ADARB2: variants seen among roughly 807,000 people sequenced by gnomAD.
ADARB2 encodes the protein adenosine deaminase RNA specific B2 (inactive), also known as inactive double-stranded RNA-specific editase B2.
Under a neutral mutation model 62.2 loss-of-function variants are expected in ADARB2, and 25 were observed. The ratio of observed to expected loss-of-function variants is 0.40; its 90% confidence interval spans 0.29 to 0.56. The LOEUF (loss-of-function observed/expected upper bound fraction) is 0.56. Ranked by LOEUF, ADARB2 falls within the 20% of genes least tolerant of loss-of-function variation. ADARB2 has a pLI of 0.43. For synonymous variants in ADARB2, 572 were observed against 500.8 expected, an observed-to-expected ratio of 1.14 and a Z score of -1.90; for missense variants, 1,071 against 1,077.4, an observed-to-expected ratio of 0.99 and a Z score of 0.08.
At chr10:1,523,407 G>C (rs539188452) in intron 1 of ADARB2, among the ~76,000 whole-genome samples, 5 of 152,200 alleles carry the variant, frequency 3.3e-5, no homozygotes, top group African/African-American at 1.2e-4. Context: ...TTACATGCAC[G>C]TCACGCAGCC....
In ADARB2 at chr10:1,464,754, G is replaced by A. The variant is rs372749638; in HGVS notation, c.101-85594C>T. ...ACACTCCCCCACACACGCGCTGGGGGCAGTCACAGCGGGCAGCGTGCTGGA... is the reference window on the plus strand; with the variant it reads ...ACACTCCCCCACACACGCGCTGGGGACAGTCACAGCGGGCAGCGTGCTGGA... On this transcript the variant is annotated intron_variant, in intron 1 of 9. Transcript: ENST00000381312. Among the ~76,000 whole-genome samples, 385 of 97,772 alleles carry A rather than the reference G, an allele frequency of 3.9e-3. 2 individuals are homozygous for A. The highest frequency in any genetic ancestry group is 0.02 in the Middle Eastern group (2 of 102). 64.1% of individuals were successfully genotyped at this position (97,772 alleles called of 152,430 possible). A position where few individuals can be genotyped will look rare whatever the true frequency, so the allele number is the denominator to read the frequency against.
rs543169729 is a variant in ADARB2 at position 1,351,246 on chromosome 10, CT to C, written c.1077+11781del. Reference sequence around the variant, plus strand: ...GACGCTGCCCGATCACCTCAGAAGCCTCCTGGACCATCACGGATGCTGAGCT... The same window carrying C: ...GACGCTGCCCGATCACCTCAGAAGCCCCTGGACCATCACGGATGCTGAGCT... On this transcript the variant is annotated intron_variant, in intron 3 of 9. Coordinates refer to ENST00000381312, the MANE Select transcript of ADARB2 (RefSeq NM_018702.4). 6.4e-4 allele frequency among the ~76,000 whole-genome samples: 97 copies of C among 152,334 alleles called. 1 individual carries two copies. Among genetic ancestry groups the C allele is most frequent in the African/African-American group, 2.1e-3 (89 of 41,568 alleles).
intron 1 of ADARB2, among the ~76,000 whole-genome samples, chr10:1,676,470 T>C (rs6560758): frequency 0.95 from 145,070 of 152,310 alleles, 69,175 homozygotes; most frequent in Admixed American, 0.98. Flanking sequence ...ATAGCTTTAA[T>C]GGTGCACCTG....
At chr10:1,468,852 G>A (rs1831288401) in intron 1 of ADARB2, among the ~76,000 whole-genome samples, 1 of 152,362 alleles carries the variant, frequency 6.6e-6, no homozygotes. Flanking sequence ...GACACAGCTT[G>A]TACTTTCTTG....
At chr10:1,467,283 A>T (rs1831265928) in intron 1 of ADARB2, among the ~76,000 whole-genome samples, 1 of 152,230 alleles carries the variant, frequency 6.6e-6, no homozygotes, top group Non-Finnish European at 1.5e-5. Flanking sequence ...GAGAAAAGGC[A>T]TCGCTGTTCT....
chr10:1,432,357 G>A (rs898422286), intron 1 of ADARB2, among the ~76,000 whole-genome samples: 1 of 151,992 alleles, frequency 6.6e-6, no homozygotes, highest in African/African-American at 2.4e-5. Flanking sequence ...TAGCTCATGA[G>A]GTCAGTCAAG....
intron 1 of ADARB2, among the ~76,000 whole-genome samples, chr10:1,631,396 C>T (rs553790516): frequency 3.9e-5 from 6 of 152,280 alleles, no homozygotes; most frequent in Admixed American, 1.3e-4. Context: ...TGTGAGGTCC[C>T]GTTCCTGGTG....
At chr10:1,279,368 C>T (rs921575224) in intron 3 of ADARB2, among the ~76,000 whole-genome samples, 6 of 152,130 alleles carry the variant, frequency 3.9e-5, no homozygotes, top group South Asian at 2.1e-4. Flanking sequence ...CAGGCTGGAG[C>T]GCAGTGGCGT....
In ADARB2 at chr10:1,477,555, A is replaced by G. The variant is rs1588271941; in HGVS notation, c.101-98395T>C. Reference sequence around the variant, plus strand: ...CACGACTGTCTTGGTAAATTCTTTTACCACCCGTGACACCAGCCCCAGCCA... The same window carrying G: ...CACGACTGTCTTGGTAAATTCTTTTGCCACCCGTGACACCAGCCCCAGCCA... On this transcript the variant is annotated intron_variant, in intron 1 of 9. Transcript: ENST00000381312. This position sits in a 1 kb window ranked among gnomAD's most constrained non-coding sequence, Gnocchi z 4.5. Among the ~76,000 whole-genome samples, 3 of 151,976 alleles carry G rather than the reference A, an allele frequency of 2.0e-5. No homozygotes were observed. The highest frequency in any genetic ancestry group is 4.2e-4 in the South Asian group (2 of 4,812).
chr10:1,479,798 A>G (rs931764621), intron 1 of ADARB2, among the ~76,000 whole-genome samples: 2 of 152,188 alleles, frequency 1.3e-5, no homozygotes, highest in African/African-American at 4.8e-5. Flanking sequence ...AGTGTATTTG[A>G]AGGACACACA....
chr10:1,576,151 C>G (rs1309177155), intron 1 of ADARB2, among the ~76,000 whole-genome samples: 565 of 11,022 alleles, frequency 0.051, no homozygotes, highest in Non-Finnish European at 0.064. Context: ...GGGGGGTCCA[C>G]GGTCACAGGA....
In ADARB2 at chr10:1,234,737, CTTTTTTTTTTTTTTTTT is replaced by C. The variant is rs71376899; in HGVS notation, c.1362-909_1362-893del. On this transcript the variant is annotated intron_variant, in intron 5 of 9. Transcript: ENST00000381312. The stretch of plus-strand genomic sequence containing the variant: ...GATTACAGGTGCGAGCGACCATGAT[CTTTTTTTTTTTTTTTTT>C]TTTTTTTTTTTTTTGTGACGGAGTC... Among the ~76,000 whole-genome samples, 9 of 53,636 alleles carry C rather than the reference CTTTTTTTTTTTTTTTTT, an allele frequency of 1.7e-4. No individual in the cohort carries two copies. The East Asian group carries it at 4.5e-3, about 27-fold the overall frequency. The allele number at this position is 53,636 out of a possible 152,430, so 35.2% of individuals were successfully genotyped here.
chr10:1,703,917 G>T (rs1834854944), intron 1 of ADARB2, among the ~76,000 whole-genome samples: 1 of 152,206 alleles, frequency 6.6e-6, no homozygotes, highest in African/African-American at 2.4e-5. Flanking sequence ...TTTCACAGGG[G>T]ACTCACTCCT....
intron 8 of ADARB2, among the ~76,000 whole-genome samples, chr10:1,197,470 A>G (rs556069751): frequency 2.0e-4 from 30 of 152,352 alleles, no homozygotes; most frequent in African/African-American, 7.0e-4. Context: ...GGATGCCTGA[A>G]AGGGCTTCAG....
chr10:1,372,467 A>C (rs1294675123), intron 2 of ADARB2, among the ~76,000 whole-genome samples: 1 of 39,340 alleles, frequency 2.5e-5, no homozygotes, highest in Non-Finnish European at 1.6e-4. Context: ...AATAAAATTA[A>C]ATTAAATTAA....
At chr10:1,713,477 A>G (rs1834977777) in intron 1 of ADARB2, among the ~76,000 whole-genome samples, 1 of 152,176 alleles carries the variant, frequency 6.6e-6, no homozygotes, top group Non-Finnish European at 1.5e-5. Context: ...CTCTTGATAA[A>G]TACAAACAGA....
At chr10:1,260,243 A>G (rs1225119615) in intron 4 of ADARB2, among the ~76,000 whole-genome samples, 4 of 152,232 alleles carry the variant, frequency 2.6e-5, no homozygotes, top group Non-Finnish European at 4.4e-5. Context: ...AACTGGCACA[A>G]GACAGGGATG....
At chr10:1,567,717 CCTT>C (rs1434995921) in intron 1 of ADARB2, among the ~76,000 whole-genome samples, 1 of 152,200 alleles carries the variant, frequency 6.6e-6, no homozygotes, top group Non-Finnish European at 1.5e-5. Flanking sequence ...TGGAGGCAGA[CCTT>C]CTTTTATCCT....
chr10:1,553,083 G>C (rs1018829098), intron 1 of ADARB2, among the ~76,000 whole-genome samples: 5 of 151,068 alleles, frequency 3.3e-5, no homozygotes, highest in African/African-American at 9.8e-5. Context: ...CCCCATTGCT[G>C]GGAGCACCGC....
Sources: allele counts gnomAD v4.1 joint callset (sites outside exome capture counted in the v4.1 genomes callset), GRCh38; gene constraint gnomAD v4.1.1; non-coding constraint Gnocchi (gnomAD v3.1); transcripts MANE v1.5; gene names NCBI Gene and HGNC (gene_info 2026-07-23, HGNC 2026-07-21).